WDFY3: variants seen among roughly 807,000 people sequenced by gnomAD.
WDFY3 encodes WD repeat and FYVE domain-containing protein 3.
A neutral mutation model predicts 409.6 loss-of-function variants in WDFY3; 66 were observed. The observed-to-expected ratio is 0.16, with a 90% CI of 0.13 to 0.20. The LOEUF is 0.20. Among genes scored for constraint, WDFY3 ranks in the 10% least tolerant of loss-of-function variants. The probability of loss-of-function intolerance (pLI) is 1.00; values close to 1 mark genes in which losing one functional copy is unlikely to be tolerated. For missense variants in WDFY3, 3,031 were observed against 4,298.1 expected (o/e 0.71, Z 8.24); for synonymous variants, 1,521 against 1,537.1 (o/e 0.99, Z 0.25).
intron 41 of WDFY3, 110 bp downstream of exon 41, chr4:84,737,074 G>T: frequency 8.8e-7 from 1 of 1,137,564 alleles, no homozygotes; most frequent in Non-Finnish European, 1.2e-6. Context: ...TGATTTTAAG[G>T]ATGACTTTAT....
chr4:84,932,824 G>A (rs1037864089), intron 1 of WDFY3, among the ~76,000 whole-genome samples: 1 of 152,086 alleles, frequency 6.6e-6, no homozygotes, highest in Non-Finnish European at 1.5e-5. Context: ...GAATTGATTT[G>A]TTCTAAATTA....
intron 11 of WDFY3, among the ~76,000 whole-genome samples, 159 bp from the exon 12 acceptor site, chr4:84,820,345 T>C (rs1371588948): frequency 3.9e-5 from 6 of 152,076 alleles, no homozygotes; most frequent in Admixed American, 3.9e-4. Context: ...CATCCAACAT[T>C]TGGCAAAAGT....
At position 84,743,714 on chromosome 4, in the gene WDFY3, G is replaced by A; in HGVS notation, c.6059C>T (p.Ala2020Val). 1 of 1,573,838 alleles carries A rather than the reference G, an allele frequency of 6.4e-7. No individual in the cohort carries two copies. The highest frequency in any genetic ancestry group is 8.7e-7 in the Non-Finnish European group (1 of 1,155,896). ...LDSVMDHLLA[A>V]DVLLGEDASL... ...CACAGAATTACCTAATAACACATCA[G>A]CTGCAAGCAAATGGTCCATCACGCT... is the stretch of plus-strand genomic sequence containing the variant. Residue 2020 changes from alanine to valine, a missense_variant, in exon 37 of 68, where the codon GCT (alanine) becomes GTT (valine). By Grantham distance (64) the Ala-to-Val change is moderately conservative. Coordinates refer to ENST00000295888, the MANE Select transcript of WDFY3 (RefSeq NM_014991.6).
chr4:84,964,230 G>C (rs1052944185), intron 1 of WDFY3, among the ~76,000 whole-genome samples: 2 of 152,184 alleles, frequency 1.3e-5, no homozygotes, highest in Non-Finnish European at 2.9e-5. Context: ...CACTTAGAGA[G>C]GCTAAGGCAG....
At chr4:84,699,548 C>T (rs752925168) in intron 56 of WDFY3, among the ~76,000 whole-genome samples, 10 of 152,106 alleles carry the variant, frequency 6.6e-5, no homozygotes, top group Admixed American at 5.2e-4. Context: ...ACTTGAGTTG[C>T]GTTTTCAATT....
chr4:84,936,555 A>G (rs1047431641), intron 1 of WDFY3, among the ~76,000 whole-genome samples: 11 of 152,102 alleles, frequency 7.2e-5, no homozygotes, highest in Non-Finnish European at 1.2e-4. Context: ...AAGATCAATG[A>G]GAAAATTTTT....
At chr4:84,770,378 CT>C (rs1744462843) in intron 30 of WDFY3, among the ~76,000 whole-genome samples, 1 of 152,158 alleles carries the variant, frequency 6.6e-6, no homozygotes, top group South Asian at 2.1e-4. Flanking sequence ...AGATAGTAGA[CT>C]ACAGTATAGT....
chr4:84,749,185 C>T (rs1027076617), intron 36 of WDFY3, among the ~76,000 whole-genome samples: 7 of 152,142 alleles, frequency 4.6e-5, no homozygotes, highest in African/African-American at 1.4e-4. Flanking sequence ...CCACCATGCT[C>T]AACCTAATTT....
At position 84,829,051 on chromosome 4, in the gene WDFY3, A is replaced by G. The variant is rs186162884; in HGVS notation, c.909T>C (p.Asp303=). ...SSDVSQTLLD[D]FRIWQGYNFL... Reference sequence around the variant, plus strand: ...AATTATATCCTTGCCATATCCGAAAATCATCCAGAAGTGTTTGGGAAACAT... The same window carrying G: ...AATTATATCCTTGCCATATCCGAAAGTCATCCAGAAGTGTTTGGGAAACAT... The change falls in exon 9 of 68, where the codon GAT becomes GAC. Residue 303 remains aspartate (D), a synonymous_variant. Coordinates refer to ENST00000295888, the MANE Select transcript of WDFY3 (RefSeq NM_014991.6). The G allele has an allele frequency of 6.2e-6, 10 of 1,613,290 alleles. No homozygotes were observed. The African/African-American group carries it at 9.3e-5, about 15-fold the overall frequency.
At chr4:84,816,047 A>G (rs1416565506) in intron 13 of WDFY3, among the ~76,000 whole-genome samples, 2 of 151,794 alleles carry the variant, frequency 1.3e-5, no homozygotes, top group African/African-American at 4.8e-5. Context: ...TTAATTGCTT[A>G]TTTTCTTTGA....
chr4:84,831,627 A>C (rs1755749589), intron 7 of WDFY3, 22 bp from the exon 8 acceptor site: 2 of 1,584,044 alleles, frequency 1.3e-6, no homozygotes, highest in African/African-American at 2.7e-5. Flanking sequence ...AACAAAACAA[A>C]ACAAGAGTGT....
At chr4:84,866,080 T>C (rs1024107072) in intron 3 of WDFY3, among the ~76,000 whole-genome samples, 1 of 152,022 alleles carries the variant, frequency 6.6e-6, no homozygotes, top group Non-Finnish European at 1.5e-5. Flanking sequence ...CAAAAACAAG[T>C]GCCAGAATGA....
intron 2 of WDFY3, among the ~76,000 whole-genome samples, chr4:84,899,865 T>A (rs1026035748): frequency 6.6e-6 from 1 of 151,690 alleles, no homozygotes; most frequent in African/African-American, 2.4e-5. Flanking sequence ...TGAGATCCCA[T>A]CTCCACAAAA....
Position 84,721,588 on chromosome 4 carries a change from C to A in WDFY3, c.7442-16G>T, listed in dbSNP as rs373981731. 3.2e-5 allele frequency: 52 copies of A among 1,601,010 alleles called. No individual in the cohort carries two copies. The highest frequency in any genetic ancestry group is 5.9e-6 in the Non-Finnish European group (7 of 1,179,626). On this transcript the variant is annotated splice_polypyrimidine_tract_variant and intron_variant, in intron 46 of 67. Coordinates refer to ENST00000295888, the MANE Select transcript of WDFY3 (RefSeq NM_014991.6). ...TTGACCAAACCTACAGTATAATAAC[C>A]AAGAGGGCCATGTGGCATTGTAAGG...
At chr4:84,706,828 G>GAATA (rs1188010723) in intron 53 of WDFY3, among the ~76,000 whole-genome samples, 1 of 152,000 alleles carries the variant, frequency 6.6e-6, no homozygotes, top group Non-Finnish European at 1.5e-5. Context: ...AGTATATGAG[G>GAATA]AATATATACA....
intron 7 of WDFY3, among the ~76,000 whole-genome samples, chr4:84,832,656 A>G (rs1310040680): frequency 3.3e-5 from 5 of 152,266 alleles, no homozygotes; most frequent in African/African-American, 1.2e-4. Context: ...AAGTTTAAAA[A>G]CCGTAAGAGT....
At chr4:84,783,711 A>G (rs1161088732) in intron 24 of WDFY3, among the ~76,000 whole-genome samples, 3 of 152,234 alleles carry the variant, frequency 2.0e-5, no homozygotes, top group Non-Finnish European at 1.5e-5. Context: ...AAGAGTTTAT[A>G]GATAAAACAT....
chr4:84,817,799 T>C (rs1049793002), intron 12 of WDFY3, among the ~76,000 whole-genome samples: 7 of 152,198 alleles, frequency 4.6e-5, no homozygotes, highest in Non-Finnish European at 2.9e-5. Context: ...ATTTCCTTAA[T>C]GCAAGATTAA....
At chr4:84,876,052 T>C (rs1039380513) in intron 3 of WDFY3, among the ~76,000 whole-genome samples, 6 of 152,258 alleles carry the variant, frequency 3.9e-5, no homozygotes, top group African/African-American at 1.4e-4. Flanking sequence ...TTTATATGCA[T>C]GTGTTATATA....
Sources: gnomAD v4.1 joint callset for allele counts (sites outside exome capture counted in the v4.1 genomes callset) on GRCh38, gnomAD v4.1.1 for gene constraint, MANE v1.5 for transcripts, NCBI Gene and HGNC (gene_info 2026-07-23, HGNC 2026-07-21) for gene names.